Variants in CADM2 observed in about 807,000 individuals in gnomAD.
CADM2 encodes the protein cell adhesion molecule 2.
In CADM2, 12 loss-of-function variants were observed where a neutral mutation model predicts 49.8. The observed-to-expected ratio is 0.24, with a 90% CI of 0.15 to 0.39. CADM2 has a LOEUF of 0.39. CADM2 is among the 10% of genes least tolerant of loss of function. CADM2 has a pLI of 1.00. For synonymous variants in CADM2, 214 were observed against 175.4 expected (o/e 1.22, Z -1.74); for missense variants, 378 against 492.3 (o/e 0.77, Z 2.20).
In CADM2 at chr3:85,741,837, T is replaced by C. The variant is rs2068405439; in HGVS notation, c.88+15289T>C. 2.0e-5 allele frequency among the ~76,000 whole-genome samples: 3 copies of C among 152,238 alleles called. No individual in the cohort carries two copies. The South Asian group carries it at 6.2e-4, about 32-fold the overall frequency. ...AAAATTGGAACTTATTTATTTTCCTTAAAAAATCATTCTATACTTCACAGA... is the reference window on the plus strand; with the variant it reads ...AAAATTGGAACTTATTTATTTTCCTCAAAAAATCATTCTATACTTCACAGA... On this transcript the variant is annotated intron_variant, in intron 2 of 9. Transcript: ENST00000383699.
chr3:85,244,500 A>G (rs938757934), intron 1 of CADM2, among the ~76,000 whole-genome samples: 2 of 152,214 alleles, frequency 1.3e-5, no homozygotes, highest in Non-Finnish European at 2.9e-5. Flanking sequence ...ACCTTGCAAA[A>G]TAGAAAAGTA....
At chr3:85,337,971 A>T (rs2045135441) in intron 1 of CADM2, among the ~76,000 whole-genome samples, 1 of 151,736 alleles carries the variant, frequency 6.6e-6, no homozygotes, top group Non-Finnish European at 1.5e-5. Context: ...TGTTTGAAAC[A>T]TATTGCATTT....
intron 6 of CADM2, among the ~76,000 whole-genome samples, chr3:85,922,890 T>C (rs9846878): frequency 0.66 from 99,577 of 150,536 alleles, 33,570 homozygotes; most frequent in African/African-American, 0.79. Context: ...GGCACTATCT[T>C]GGCTCACTGC....
intron 8 of CADM2, among the ~76,000 whole-genome samples, chr3:86,006,559 T>C (rs1730816330): frequency 6.6e-6 from 1 of 152,060 alleles, no homozygotes. Flanking sequence ...TTGTCTTTAG[T>C]CTGAATTTTC....
chr3:85,550,039 C>T (rs1421827103), intron 1 of CADM2, among the ~76,000 whole-genome samples: 4 of 152,042 alleles, frequency 2.6e-5, no homozygotes, highest in Non-Finnish European at 5.9e-5. Flanking sequence ...TAATTTATTT[C>T]ATAATCCCAA....
intron 1 of CADM2, among the ~76,000 whole-genome samples, chr3:85,054,779 C>G (rs980298708): frequency 3.3e-5 from 5 of 152,002 alleles, no homozygotes; most frequent in Admixed American, 6.6e-5. Context: ...TGCAAGTACT[C>G]TGGATGATAA....
chr3:85,744,812 C>G (rs1212039016), intron 2 of CADM2, among the ~76,000 whole-genome samples: 1 of 152,020 alleles, frequency 6.6e-6, no homozygotes, highest in Non-Finnish European at 1.5e-5. Flanking sequence ...GGTAACAGGA[C>G]CTGGTTGCAT....
chr3:85,312,476 T>C (rs1040033242), intron 1 of CADM2, among the ~76,000 whole-genome samples: 3 of 152,024 alleles, frequency 2.0e-5, no homozygotes, highest in East Asian at 1.9e-4. Context: ...AATAAGTATA[T>C]GTGAGCATGA....
chr3:84,987,017 A>G (rs1277515456), intron 1 of CADM2, among the ~76,000 whole-genome samples: 1 of 151,798 alleles, frequency 6.6e-6, no homozygotes, highest in Non-Finnish European at 1.5e-5. Flanking sequence ...GCATCATTGC[A>G]CTCCAGCCTG....
chr3:85,150,167 G>A (rs764104444), intron 1 of CADM2, among the ~76,000 whole-genome samples: 8 of 152,148 alleles, frequency 5.3e-5, no homozygotes, highest in Non-Finnish European at 1.2e-4. Context: ...TTAAATTTTA[G>A]CTTTCAGAAG....
chr3:84,999,068 C>G (rs1471110228), intron 1 of CADM2, among the ~76,000 whole-genome samples: 1 of 152,108 alleles, frequency 6.6e-6, no homozygotes, highest in Admixed American at 6.6e-5. Flanking sequence ...GAATACCAAG[C>G]CACAAGCTAT....
At chr3:85,000,589 A>T (rs969514749) in intron 1 of CADM2, among the ~76,000 whole-genome samples, 3 of 152,250 alleles carry the variant, frequency 2.0e-5, no homozygotes, top group Admixed American at 6.5e-5. Flanking sequence ...GATGAATAGG[A>T]GAGTCTCAAT....
chr3:85,433,797 T>C (rs2036799077), intron 1 of CADM2, among the ~76,000 whole-genome samples: 1 of 152,138 alleles, frequency 6.6e-6, no homozygotes, highest in African/African-American at 2.4e-5. Flanking sequence ...TGCATTATTT[T>C]GATGAATCAA....
At chr3:85,577,051 A>G (rs2062651519) in intron 1 of CADM2, among the ~76,000 whole-genome samples, 1 of 152,186 alleles carries the variant, frequency 6.6e-6, no homozygotes, top group African/African-American at 2.4e-5. Context: ...ACTACTAATG[A>G]ACTGGCAAAC....
chr3:85,526,093 C>T (rs1576720184), intron 1 of CADM2, among the ~76,000 whole-genome samples: 1 of 152,126 alleles, frequency 6.6e-6, no homozygotes, highest in Non-Finnish European at 1.5e-5. Context: ...AGCCAGGCCT[C>T]TCCTGGATTT....
rs563762104 is a variant in CADM2, at chr3:85,807,560, C to T, written c.238+5364C>T. Among the ~76,000 whole-genome samples, 5 of 150,802 alleles carry T rather than the reference C, an allele frequency of 3.3e-5. No individual in the cohort carries two copies. The South Asian group carries it at 6.3e-4, about 19-fold the overall frequency. On this transcript the variant is annotated intron_variant, in intron 3 of 9. Coordinates refer to ENST00000383699, the MANE Select transcript of CADM2 (RefSeq NM_001167675.2). ...AATATATTATAATCAGCATTGTCCA[C>T]GAGAACATTCCATGATGATGGGAAT...
intron 1 of CADM2, among the ~76,000 whole-genome samples, chr3:85,083,237 G>A (rs1317306866): frequency 2.0e-5 from 3 of 152,058 alleles, no homozygotes; most frequent in Non-Finnish European, 4.4e-5. Flanking sequence ...TCTTAATCTT[G>A]ATAAGGTCAG....
chr3:85,021,677 A>G (rs1334276484), intron 1 of CADM2, among the ~76,000 whole-genome samples: 2 of 152,142 alleles, frequency 1.3e-5, no homozygotes, highest in African/African-American at 4.8e-5. Context: ...CGAGAGGCTG[A>G]GGCAGGAGAA....
Position 85,688,217 on chromosome 3 carries a change from GAT to G in CADM2, c.62-38303_62-38302del, listed in dbSNP as rs529184708. Among the ~76,000 whole-genome samples the G allele has an allele frequency of 8.3e-4, 126 of 152,258 alleles. 2 individuals are homozygous for G. The highest frequency in any genetic ancestry group is 1.5e-3 in the Non-Finnish European group (101 of 68,028). On this transcript the variant is annotated intron_variant, in intron 1 of 9. Transcript: ENST00000383699. The stretch of plus-strand genomic sequence containing the variant: ...AGTGAATTATGGACTGCAGGGATGA[GAT>G]AGGACCGTTTGCATATAATAAAGAA...
Sources: allele counts gnomAD v4.1 joint callset (sites outside exome capture counted in the v4.1 genomes callset), GRCh38; gene constraint gnomAD v4.1.1; transcripts MANE v1.5; gene names NCBI Gene and HGNC (gene_info 2026-07-23, HGNC 2026-07-21).